CFAP144: variants seen among roughly 807,000 people sequenced by gnomAD.
CFAP144 encodes the protein cilia- and flagella-associated protein 144.
chr1:43,155,159 T>G, the CFAP144 span, among the ~76,000 whole-genome samples: 1 of 152,242 alleles, frequency 6.6e-6, no homozygotes, highest in East Asian at 1.9e-4. Flanking sequence ...AAAGAATCTT[T>G]GCCGGGGAGA....
At chr1:43,149,812 A>G in the CFAP144 span, among the ~76,000 whole-genome samples, 1 of 152,222 alleles carries the variant, frequency 6.6e-6, no homozygotes, top group African/African-American at 2.4e-5. Context: ...CATAAAAACT[A>G]TATAATTATA....
the CFAP144 span, chr1:43,152,925 G>A: frequency 0.23 from 372,053 of 1,610,270 alleles, 46,308 homozygotes; most frequent in Middle Eastern, 0.26. Flanking sequence ...GGGACTTAGA[G>A]CCCTTGGTAA....
the CFAP144 span, among the ~76,000 whole-genome samples, chr1:43,154,100 A>ATATATT: frequency 7.3e-5 from 7 of 95,532 alleles, no homozygotes; most frequent in East Asian, 2.8e-4. Context: ...ATATATATAT[A>ATATATT]CTCTCTTTTT....
chr1:43,144,961 GACACA>G, the CFAP144 span, among the ~76,000 whole-genome samples: 1 of 152,192 alleles, frequency 6.6e-6, no homozygotes, highest in African/African-American at 2.4e-5. Flanking sequence ...TGGCCTGGTG[GACACA>G]CGGAATGCAA....
At chr1:43,153,386 G>A in the CFAP144 span, among the ~76,000 whole-genome samples, 2 of 152,150 alleles carry the variant, frequency 1.3e-5, no homozygotes, top group Admixed American at 6.5e-5. Context: ...AAGGCAGGCG[G>A]ATCACCTGAG....
the CFAP144 span, among the ~76,000 whole-genome samples, chr1:43,146,841 CT>C: frequency 3.3e-5 from 5 of 152,116 alleles, no homozygotes; most frequent in African/African-American, 9.7e-5. Flanking sequence ...GCTAGACCTA[CT>C]TTTTATTTAT....
At chr1:43,148,165 G>C in the CFAP144 span, 1 of 1,447,838 alleles carries the variant, frequency 6.9e-7, no homozygotes, top group Non-Finnish European at 9.4e-7. Context: ...TGCGGGGTGG[G>C]AACGCGGTCC....
the CFAP144 span, among the ~76,000 whole-genome samples, chr1:43,147,582 G>A: frequency 6.6e-6 from 1 of 152,160 alleles, no homozygotes; most frequent in African/African-American, 2.4e-5. Context: ...AGCTTTTTTA[G>A]GAAATGATTG....
chr1:43,146,889 A>G, the CFAP144 span, among the ~76,000 whole-genome samples: 17,302 of 152,242 alleles, frequency 0.11, 1,409 homozygotes, highest in East Asian at 0.29. Context: ...TCTGTCCCCC[A>G]GGCTGGAGTG....
At chr1:43,152,377 C>A in the CFAP144 span, among the ~76,000 whole-genome samples, 1 of 152,322 alleles carries the variant, frequency 6.6e-6, no homozygotes, top group South Asian at 2.1e-4. Flanking sequence ...TCTTCCTCTG[C>A]CTCTTCCCAG....
chr1:43,147,724 G>A, the CFAP144 span: 2 of 1,378,194 alleles, frequency 1.5e-6, no homozygotes, highest in Non-Finnish European at 9.5e-7. Context: ...AGTGAGTACA[G>A]TGCCAGAATA....
the CFAP144 span, among the ~76,000 whole-genome samples, chr1:43,151,859 G>A: frequency 6.6e-6 from 1 of 152,122 alleles, no homozygotes; most frequent in Admixed American, 6.5e-5. Context: ...GCAATAAGGT[G>A]TTATCTGTAG....
chr1:43,145,209 T>C, the CFAP144 span: 1 of 1,517,906 alleles, frequency 6.6e-7, no homozygotes, highest in South Asian at 1.2e-5. Context: ...CGGAACTTGG[T>C]CTGTAGCCAC....
the CFAP144 span, chr1:43,152,931 G>C: frequency 6.2e-7 from 1 of 1,610,418 alleles, no homozygotes; most frequent in Non-Finnish European, 8.5e-7. Context: ...TAGAGCCCTT[G>C]GTAAGCGTGG....
chr1:43,145,135 T>C, the CFAP144 span: 1 of 790,842 alleles, frequency 1.3e-6, no homozygotes, highest in Non-Finnish European at 2.2e-6. Context: ...AGTTTGCTCC[T>C]TTCCTCTCAT....
chr1:43,148,047 ACT>A, the CFAP144 span: 2 of 1,613,548 alleles, frequency 1.2e-6, no homozygotes, highest in African/African-American at 1.3e-5. Flanking sequence ...GAACCCAGAA[ACT>A]CTACACGCAG....
chr1:43,147,192 A>G, the CFAP144 span, among the ~76,000 whole-genome samples: 3 of 152,218 alleles, frequency 2.0e-5, no homozygotes, highest in African/African-American at 7.2e-5. Context: ...GCAGACTCAA[A>G]TTCATAGAAA....
chr1:43,146,568 T>G, the CFAP144 span, among the ~76,000 whole-genome samples: 1 of 152,204 alleles, frequency 6.6e-6, no homozygotes, highest in East Asian at 1.9e-4. Context: ...GAGACTAAAA[T>G]GGCAAGCCAC....
At chr1:43,144,036 T>C in the CFAP144 span, among the ~76,000 whole-genome samples, 1 of 152,224 alleles carries the variant, frequency 6.6e-6, no homozygotes, top group Non-Finnish European at 1.5e-5. Context: ...AAAAGGGCTT[T>C]GAACAGTGTT....
Sources: gnomAD v4.1 joint callset for allele counts (sites outside exome capture counted in the v4.1 genomes callset) on GRCh38, gnomAD v4.1.1 for gene constraint, MANE v1.5 for transcripts, NCBI Gene and HGNC (gene_info 2026-07-23, HGNC 2026-07-21) for gene names.